Variants in KIAA1217 observed in about 807,000 individuals in gnomAD.
KIAA1217 encodes the protein sickle tail protein homolog.
In KIAA1217, 88 loss-of-function variants were observed where a neutral mutation model predicts 163.9. The observed-to-expected ratio is 0.54, with a 90% CI of 0.45 to 0.64. The LOEUF (loss-of-function observed/expected upper bound fraction) is 0.64, where lower values mean the gene tolerates loss of function less well. Ranked by LOEUF, KIAA1217 falls within the 30% of genes least tolerant of loss-of-function variation. The pLI, the probability that KIAA1217 is intolerant of heterozygous loss-of-function variation, is 0.00. For synonymous variants in KIAA1217, 903 were observed against 923.1 expected, an observed-to-expected ratio of 0.98 and a Z score of 0.39; for missense variants, 2,372 against 2,475.0, an observed-to-expected ratio of 0.96 and a Z score of 0.88.
At chr10:24,347,071 T>C (rs1246632486) in intron 2 of KIAA1217, among the ~76,000 whole-genome samples, 1 of 152,182 alleles carries the variant, frequency 6.6e-6, no homozygotes, top group Admixed American at 6.5e-5. Flanking sequence ...ATGACAGTGA[T>C]TAATCACTCA....
intron 2 of KIAA1217, among the ~76,000 whole-genome samples, chr10:24,251,419 A>G (rs1190914653): frequency 2.8e-5 from 4 of 144,672 alleles, no homozygotes; most frequent in Non-Finnish European, 4.6e-5. Flanking sequence ...AAAAAAAAAA[A>G]AAACAAGAAA....
intron 2 of KIAA1217, among the ~76,000 whole-genome samples, chr10:24,309,254 A>G (rs946133954): frequency 6.6e-6 from 1 of 152,016 alleles, no homozygotes; most frequent in African/African-American, 2.4e-5. Flanking sequence ...TGCCATCAAT[A>G]TGATGGGGGA....
At chr10:24,524,840 G>C in intron 13 of KIAA1217, 76 bp downstream of exon 13, 1 of 1,266,696 alleles carries the variant, frequency 7.9e-7, no homozygotes, top group South Asian at 1.5e-5. Flanking sequence ...AGCATTTATA[G>C]GTCAGATGAT....
chr10:24,500,933 TAAAC>T (rs895486815), intron 8 of KIAA1217, among the ~76,000 whole-genome samples: 5 of 151,952 alleles, frequency 3.3e-5, no homozygotes, highest in African/African-American at 1.2e-4. Flanking sequence ...TAAAAAATAG[TAAAC>T]AAACAAACAA....
chr10:23,807,200 T>G (rs181740014), intron 1 of KIAA1217, among the ~76,000 whole-genome samples: 57 of 152,262 alleles, frequency 3.7e-4, no homozygotes, highest in Non-Finnish European at 7.3e-4. Flanking sequence ...CTTTCTGGCC[T>G]TTCGAATGGA....
intron 2 of KIAA1217, among the ~76,000 whole-genome samples, chr10:24,231,809 T>G (rs2071453318): frequency 6.6e-6 from 1 of 151,822 alleles, no homozygotes; most frequent in Admixed American, 6.6e-5. Flanking sequence ...GGGTTTTTTT[T>G]TTTTTTTGAG....
At chr10:24,524,801 G>T in intron 13 of KIAA1217, 37 bp downstream of exon 13, 2 of 1,508,968 alleles carry the variant, frequency 1.3e-6, no homozygotes, top group East Asian at 2.3e-5. Flanking sequence ...ACCCCATAAA[G>T]GAGTCTGATA....
intron 2 of KIAA1217, chr10:24,157,884 C>A (rs1352715697): frequency 6.3e-6 from 4 of 638,304 alleles, no homozygotes; most frequent in South Asian, 3.9e-5. Context: ...GGATCTGAAC[C>A]AATGATGCTG....
intron 2 of KIAA1217, among the ~76,000 whole-genome samples, chr10:24,364,872 C>G (rs1376117439): frequency 6.6e-6 from 1 of 151,802 alleles, no homozygotes; most frequent in East Asian, 1.9e-4. Context: ...TCACTGTACT[C>G]ACTGCACCCT....
chr10:24,163,429 A>G (rs1440378851), intron 2 of KIAA1217, among the ~76,000 whole-genome samples: 3 of 152,254 alleles, frequency 2.0e-5, no homozygotes, highest in African/African-American at 7.2e-5. Context: ...ATTGCCATTA[A>G]GAAATGTGCC....
Position 24,137,027 on chromosome 10 carries a change from T to C in KIAA1217, c.-170-82599T>C, listed in dbSNP as rs2063857947. ...GTGGCTTGAAAGATGACGGTGTCATTAAAATAAGGTAACTCTTTTGAAGGG... is the reference window on the plus strand; with the variant it reads ...GTGGCTTGAAAGATGACGGTGTCATCAAAATAAGGTAACTCTTTTGAAGGG... On this transcript the variant is annotated intron_variant, in intron 2 of 18. Transcript: ENST00000376462. Among the ~76,000 whole-genome samples the C allele has an allele frequency of 2.6e-5, 4 of 152,292 alleles. No individual in the cohort carries two copies. The South Asian group carries it at 8.3e-4, about 32-fold the overall frequency.
chr10:24,319,999 G>A (rs533544464), intron 2 of KIAA1217, among the ~76,000 whole-genome samples: 1 of 152,264 alleles, frequency 6.6e-6, no homozygotes, highest in South Asian at 2.1e-4. Flanking sequence ...GGCATAATTA[G>A]CATATAAAAC....
At chr10:24,018,326 A>C (rs1847581254) in intron 2 of KIAA1217, among the ~76,000 whole-genome samples, 1 of 152,114 alleles carries the variant, frequency 6.6e-6, no homozygotes, top group Non-Finnish European at 1.5e-5. Flanking sequence ...TAGCAAGTAT[A>C]GTAGAGTTAC....
At chr10:24,011,517 A>G (rs915857448) in intron 2 of KIAA1217, among the ~76,000 whole-genome samples, 1 of 152,064 alleles carries the variant, frequency 6.6e-6, no homozygotes, top group African/African-American at 2.4e-5. Context: ...GTCTTTTTAA[A>G]AAAAAGCAGA....
intron 2 of KIAA1217, among the ~76,000 whole-genome samples, chr10:24,230,436 A>T (rs1476694096): frequency 1.3e-5 from 2 of 149,224 alleles, no homozygotes; most frequent in African/African-American, 4.9e-5. Context: ...AAGATTAGGG[A>T]TGCCGAGCCT....
chr10:24,219,943 T>C, intron 2 of KIAA1217, 34 bp downstream of exon 2: 5 of 1,546,648 alleles, frequency 3.2e-6, no homozygotes, highest in Non-Finnish European at 3.5e-6. Context: ...CTTGTGTAGC[T>C]CGCTCTCTAA....
Position 24,091,682 on chromosome 10 carries a change from A to T in KIAA1217, c.-171+84308A>T, listed in dbSNP as rs556881847. ...GTTTTTGTAGAAACTAGGGTAAAAC[A>T]TACCTCTGAGGATAAATAGTAACAA... is the stretch of plus-strand genomic sequence containing the variant. On this transcript the variant is annotated intron_variant, in intron 2 of 18. Coordinates refer to the KIAA1217 transcript ENST00000376462. 8.9e-4 allele frequency among the ~76,000 whole-genome samples: 135 copies of T among 151,950 alleles called. 8 individuals carry two copies. The highest frequency in any genetic ancestry group is 3.2e-3 in the African/African-American group (130 of 41,216).
chr10:23,706,011 A>G (rs1682356339), intron 1 of KIAA1217, among the ~76,000 whole-genome samples: 1 of 152,096 alleles, frequency 6.6e-6, no homozygotes, highest in South Asian at 2.1e-4. Context: ...TTTATTTTAA[A>G]TGTTGTTGTA....
At chr10:23,788,953 T>C (rs1388732353) in intron 1 of KIAA1217, among the ~76,000 whole-genome samples, 1 of 152,214 alleles carries the variant, frequency 6.6e-6, no homozygotes, top group African/African-American at 2.4e-5. Flanking sequence ...TGAGCTCACG[T>C]CAAAAGGGAC....
Sources: allele counts gnomAD v4.1 joint callset (sites outside exome capture counted in the v4.1 genomes callset), GRCh38; gene constraint gnomAD v4.1.1; transcripts MANE v1.5; gene names NCBI Gene and HGNC (gene_info 2026-07-23, HGNC 2026-07-21).